Variants in DLGAP1 observed in about 807,000 individuals in gnomAD.
DLGAP1 encodes DLG associated protein 1, also known as disks large-associated protein 1.
A neutral mutation model predicts 90.8 loss-of-function variants in DLGAP1; 11 were observed. The observed-to-expected ratio is 0.12, with a 90% CI of 0.08 to 0.20. The LOEUF is 0.20. Ranked by LOEUF, DLGAP1 falls within the 10% of genes least tolerant of loss-of-function variation. The pLI is 1.00. For missense variants in DLGAP1, 1,050 were observed against 1,333.8 expected (o/e 0.79, Z 3.31); for synonymous variants, 558 against 540.7 (o/e 1.03, Z -0.44).
intron 3 of DLGAP1, among the ~76,000 whole-genome samples, chr18:3,887,453 G>A (rs1242448645): frequency 6.6e-6 from 1 of 152,004 alleles, no homozygotes; most frequent in Non-Finnish European, 1.5e-5. Context: ...AGTGGGGAGG[G>A]GCAAAAAGAT....
intron 1 of DLGAP1, among the ~76,000 whole-genome samples, chr18:4,178,159 C>T (rs2077143812): frequency 6.6e-6 from 1 of 151,078 alleles, no homozygotes; most frequent in African/African-American, 2.4e-5. Context: ...CTTACTCTCT[C>T]TTCCTTATCT....
In DLGAP1 at chr18:4,278,543, TTC is replaced by T. The variant is rs201166267; in HGVS notation, c.-266-127258_-266-127257del. Among the ~76,000 whole-genome samples the T allele has an allele frequency of 1.4e-4, 22 of 152,294 alleles. No homozygotes were observed. The East Asian group carries it at 3.3e-3, about 23-fold the overall frequency. ...AAGTGAGATCAGGCAGTATCTGACTTTCTGTTTCTGAGTTGTTTCACTTAAGA... is the reference window on the plus strand; with the variant it reads ...AAGTGAGATCAGGCAGTATCTGACTTTGTTTCTGAGTTGTTTCACTTAAGA... On this transcript the variant is annotated intron_variant, in intron 1 of 12. Transcript: ENST00000315677.
chr18:4,405,669 G>A (rs1465136091), intron 1 of DLGAP1, among the ~76,000 whole-genome samples: 1 of 152,096 alleles, frequency 6.6e-6, no homozygotes, highest in African/African-American at 2.4e-5. Flanking sequence ...ATACAAAGTG[G>A]CTTTCACTGT....
rs577286618 is a variant in DLGAP1 at position 3,756,992 on chromosome 18, A to G, written c.1173-14480T>C. ...CAGGCTCAGATCGTTTCACTGGTGGATTATGTCAAACATTTAAAGAGGTAA... is the reference window on the plus strand; with the variant it reads ...CAGGCTCAGATCGTTTCACTGGTGGGTTATGTCAAACATTTAAAGAGGTAA... On this transcript the variant is annotated intron_variant, in intron 5 of 12. Coordinates refer to ENST00000315677, the MANE Select transcript of DLGAP1 (RefSeq NM_004746.4). 5.9e-5 allele frequency among the ~76,000 whole-genome samples: 9 copies of G among 152,364 alleles called. No homozygotes were observed. In the East Asian group the frequency reaches 1.7e-3, roughly 29 times the overall value.
At chr18:4,420,927 C>T (rs2615863) in intron 1 of DLGAP1, among the ~76,000 whole-genome samples, 142,468 of 152,028 alleles carry the variant, frequency 0.94, 67,417 homozygotes, top group East Asian at 1. Flanking sequence ...TCTTTCCACT[C>T]CGTCTGTTAT....
At chr18:3,746,343 C>A (rs1488276741) in intron 5 of DLGAP1, among the ~76,000 whole-genome samples, 1 of 151,714 alleles carries the variant, frequency 6.6e-6, no homozygotes, top group African/African-American at 2.4e-5. Context: ...AATAAAAAAA[C>A]CTATAAAGCC....
intron 1 of DLGAP1, among the ~76,000 whole-genome samples, chr18:4,314,846 G>C (rs1412179914): frequency 6.6e-6 from 1 of 152,170 alleles, no homozygotes; most frequent in East Asian, 1.9e-4. Context: ...GACAAGAAGA[G>C]ATAAGTGAAA....
At chr18:4,235,701 A>G (rs185765887) in intron 1 of DLGAP1, among the ~76,000 whole-genome samples, 138 of 150,172 alleles carry the variant, frequency 9.2e-4, no homozygotes, top group African/African-American at 3.0e-3. Context: ...ACAGTTTTAT[A>G]AATTTCAATT....
intron 3 of DLGAP1, chr18:3,978,115 C>G (rs908648543): frequency 3.6e-5 from 16 of 444,626 alleles, no homozygotes; most frequent in Non-Finnish European, 4.5e-5. Flanking sequence ...GCCATGAGTC[C>G]TTCCACGATT....
At chr18:4,325,577 A>G (rs568208809) in intron 1 of DLGAP1, among the ~76,000 whole-genome samples, 5 of 152,320 alleles carry the variant, frequency 3.3e-5, no homozygotes, top group African/African-American at 1.2e-4. Flanking sequence ...AGCAAAATAA[A>G]CAAAGCTGGA....
intron 1 of DLGAP1, among the ~76,000 whole-genome samples, chr18:4,250,922 A>T (rs976370693): frequency 9.6e-5 from 14 of 146,362 alleles, no homozygotes; most frequent in Non-Finnish European, 1.8e-4. Context: ...ATATTCAATT[A>T]AAAAAAAACC....
At chr18:4,304,622 A>G (rs2080203913) in intron 1 of DLGAP1, among the ~76,000 whole-genome samples, 1 of 152,224 alleles carries the variant, frequency 6.6e-6, no homozygotes, top group Admixed American at 6.5e-5. Flanking sequence ...TAGTATCTAA[A>G]ATAATACTAA....
rs78683104 is a variant in DLGAP1, at chr18:4,260,608, T to C, written c.-266-109321A>G. Reference sequence around the variant, plus strand: ...AAATGAATATCTCATATGGCTAAATTGCTTTTATTATTTAATACCCATATT... The same window carrying C: ...AAATGAATATCTCATATGGCTAAATCGCTTTTATTATTTAATACCCATATT... On this transcript the variant is annotated intron_variant, in intron 1 of 12. Coordinates refer to ENST00000315677, the MANE Select transcript of DLGAP1 (RefSeq NM_004746.4). 2.4e-4 allele frequency among the ~76,000 whole-genome samples: 36 copies of C among 152,300 alleles called. No individual in the cohort carries two copies. In the East Asian group the frequency reaches 6.8e-3, roughly 29 times the overall value.
At chr18:3,978,068 C>T in intron 3 of DLGAP1, 1 of 384,620 alleles carries the variant, frequency 2.6e-6, no homozygotes, top group East Asian at 7.9e-5. Flanking sequence ...AGGGGCCATC[C>T]ACAGTTTTCT....
chr18:4,040,429 C>T (rs6506156), intron 2 of DLGAP1, among the ~76,000 whole-genome samples: 115,527 of 152,120 alleles, frequency 0.76, 44,123 homozygotes, highest in South Asian at 0.83. Flanking sequence ...AATGGATGGC[C>T]CTTTCTTATA....
intron 7 of DLGAP1, among the ~76,000 whole-genome samples, chr18:3,713,044 T>G (rs1398381530): frequency 6.6e-6 from 1 of 152,190 alleles, no homozygotes; most frequent in East Asian, 1.9e-4. Context: ...CAATCAATCC[T>G]CATCAAACCC....
intron 5 of DLGAP1, among the ~76,000 whole-genome samples, chr18:3,798,413 T>C (rs2066117343): frequency 6.6e-6 from 1 of 152,090 alleles, no homozygotes; most frequent in African/African-American, 2.4e-5. Flanking sequence ...ACCTTCCTTT[T>C]AGGGACAGGG....
chr18:3,936,163 G>T (rs888138360), intron 3 of DLGAP1, among the ~76,000 whole-genome samples: 5 of 152,116 alleles, frequency 3.3e-5, no homozygotes, highest in African/African-American at 9.7e-5. Flanking sequence ...TTCTTTGCAA[G>T]CCCAAGTCTG....
chr18:3,682,126 A>AAAT (rs1555627032), intron 7 of DLGAP1, among the ~76,000 whole-genome samples: 35 of 121,424 alleles, frequency 2.9e-4, no homozygotes, highest in Middle Eastern at 4.1e-3. Context: ...CAAAAAAAAA[A>AAAT]AAAATAAAAA....
Sources: allele counts gnomAD v4.1 joint callset (sites outside exome capture counted in the v4.1 genomes callset), GRCh38; gene constraint gnomAD v4.1.1; transcripts MANE v1.5; gene names NCBI Gene and HGNC (gene_info 2026-07-23, HGNC 2026-07-21).